TCP11L2: variants seen among roughly 807,000 people sequenced by gnomAD.
TCP11L2 encodes t-complex 11 like 2, also known as T-complex protein 11-like protein 2.
A neutral mutation model predicts 50.7 loss-of-function variants in TCP11L2; 39 were observed. The observed-to-expected ratio is 0.77, with a 90% confidence interval of 0.60 to 1.01. TCP11L2 has a LOEUF of 1.01. Among genes scored for constraint, TCP11L2 ranks in the 50% least tolerant of loss-of-function variants. The pLI, the probability that TCP11L2 is intolerant of heterozygous loss-of-function variation, is 0.00. For missense variants in TCP11L2, 612 were observed against 614.7 expected, an observed-to-expected ratio of 1.00 and a Z score of 0.05; for synonymous variants, 192 against 219.3, an observed-to-expected ratio of 0.88 and a Z score of 1.10.
intron 6 of TCP11L2, among the ~76,000 whole-genome samples, chr12:106,330,656 A>C (rs1221535642): frequency 6.6e-6 from 1 of 152,164 alleles, no homozygotes; most frequent in Non-Finnish European, 1.5e-5. Flanking sequence ...TTCAATAAGC[A>C]AGGAAGTCTG....
At chr12:106,313,220 A>G (rs1219073138) in intron 2 of TCP11L2, among the ~76,000 whole-genome samples, 2 of 152,198 alleles carry the variant, frequency 1.3e-5, no homozygotes, top group African/African-American at 2.4e-5. Flanking sequence ...GTGAAATCCA[A>G]TGATAAATAC....
chr12:106,331,256 G>A (rs937649063), intron 6 of TCP11L2, among the ~76,000 whole-genome samples: 5 of 152,106 alleles, frequency 3.3e-5, no homozygotes, highest in African/African-American at 1.2e-4. Flanking sequence ...TAAAGCATTG[G>A]CTTTTCTTTA....
intron 8 of TCP11L2, among the ~76,000 whole-genome samples, chr12:106,339,422 A>G (rs1272668632): frequency 6.6e-6 from 1 of 152,114 alleles, no homozygotes; most frequent in East Asian, 1.9e-4. Flanking sequence ...CTCCCATTCT[A>G]TAGGCTGTTT....
At chr12:106,302,063 G>C (rs765416359), upstream of TCP11L2, 1 of 152,500 alleles carries the variant, frequency 6.6e-6, no homozygotes, top group Non-Finnish European at 1.5e-5. Context: ...AGTGGCTGAC[G>C]TGCGTGGGAA....
rs201045850 is a variant in TCP11L2, at chr12:106,346,361, G to A, written c.1391G>A (p.Gly464Glu). Residue 464 changes from glycine to glutamate, a missense_variant, in exon 10 of 10, where the codon GGA becomes GAA. Transcript: ENST00000299045. ...CAAAAATGCATGCCTCCTATGCCAG[G>A]AGGCCTAGCTGTCATTCAGCAGGAG... ...SPQKCMPPMP[G>E]GLAVIQQELE... 6 of 1,614,076 alleles carry A rather than the reference G, an allele frequency of 3.7e-6. No homozygotes were observed. The highest frequency in any genetic ancestry group is 5.1e-6 in the Non-Finnish European group (6 of 1,180,014).
chr12:106,311,649 A>G (rs1283994882), intron 2 of TCP11L2, among the ~76,000 whole-genome samples: 1 of 152,218 alleles, frequency 6.6e-6, no homozygotes, highest in Non-Finnish European at 1.5e-5. Context: ...GAAATAATCT[A>G]AAGGGTTTCA....
At chr12:106,331,757 C>T (rs1041225881) in intron 6 of TCP11L2, among the ~76,000 whole-genome samples, 8 of 152,222 alleles carry the variant, frequency 5.3e-5, no homozygotes, top group African/African-American at 1.2e-4. Flanking sequence ...TCAGAGGCCA[C>T]GGCTCCCAAC....
At chr12:106,301,465 T>C (rs148240146), upstream of TCP11L2, among the ~76,000 whole-genome samples, 7 of 152,348 alleles carry the variant, frequency 4.6e-5, no homozygotes, top group African/African-American at 1.7e-4. Context: ...CAAGATCTCA[T>C]GGATAGTGAA....
At chr12:106,337,825 T>G (rs1444260547) in intron 8 of TCP11L2, among the ~76,000 whole-genome samples, 1 of 152,236 alleles carries the variant, frequency 6.6e-6, no homozygotes, top group African/African-American at 2.4e-5. Context: ...CAATGAATGC[T>G]AGCTATTAAT....
intron 3 of TCP11L2, 149 bp from the exon 4 acceptor site, chr12:106,318,192 TCAA>T (rs34594208): frequency 0.34 from 292,674 of 867,840 alleles, 51,330 homozygotes; most frequent in Middle Eastern, 0.39. Context: ...AATAATGCAT[TCAA>T]CAAGAAAAAT....
At chr12:106,323,916 T>TA in intron 6 of TCP11L2, 1 of 163,142 alleles carries the variant, frequency 6.1e-6, no homozygotes, top group East Asian at 1.7e-4. Flanking sequence ...ATCACAAACT[T>TA]ACAGTTGTTT....
intron 2 of TCP11L2, among the ~76,000 whole-genome samples, chr12:106,312,863 C>A (rs2034914191): frequency 6.6e-6 from 1 of 151,552 alleles, no homozygotes; most frequent in African/African-American, 2.4e-5. Flanking sequence ...GCCTGGGAGA[C>A]AGAGCAAGAC....
rs1565847966 is a variant in TCP11L2, at chr12:106,321,561, A to C, written c.490A>C (p.Ile164Leu). Residue 164 changes from isoleucine to leucine, a missense_variant, in exon 5 of 10, where the codon ATT (isoleucine) becomes CTT (leucine). Ile to Leu is a conservative substitution (Grantham distance 5). Transcript: ENST00000299045. ...QICEVLDTDL[I>L]RQQAEHSAVD... Reference sequence around the variant, plus strand: ...CTGTGAAGTTTTGGACACAGACCTCATTAGGCAGCAGGCTGAGCACAGTGC... The same window carrying C: ...CTGTGAAGTTTTGGACACAGACCTCCTTAGGCAGCAGGCTGAGCACAGTGC... 1 of 1,614,194 alleles carries C rather than the reference A, an allele frequency of 6.2e-7. No individual in the cohort carries two copies. The highest frequency in any genetic ancestry group is 1.3e-5 in the African/African-American group (1 of 75,044).
At chr12:106,330,074 T>C (rs753606699) in intron 6 of TCP11L2, 9 of 985,338 alleles carry the variant, frequency 9.1e-6, no homozygotes, top group South Asian at 4.7e-5. Context: ...AAATGTATAA[T>C]TGTATAAGAA....
At chr12:106,314,215 A>G (rs991571005) in intron 2 of TCP11L2, 143 bp from the exon 3 acceptor site, 11 of 699,782 alleles carry the variant, frequency 1.6e-5, no homozygotes, top group Non-Finnish European at 2.0e-5. Context: ...GAGGGAATTC[A>G]CCTATTTTAA....
Position 106,346,403 on chromosome 12 carries a change from C to G in TCP11L2, c.1433C>G (p.Ser478Cys). ...CAGCAGGAGCTAGAAGCCCTAGGCT[C>G]TCAATATGCAAACATTGTGAATCTC... ...VIQQELEALG[S>C]QYANIVNLNK... Residue 478 changes from serine to cysteine, a missense_variant, in exon 10 of 10, where the codon TCT becomes TGT. By Grantham distance (112) the Ser-to-Cys change is moderately radical. Transcript: ENST00000299045. 1 of 1,614,186 alleles carries G rather than the reference C, an allele frequency of 6.2e-7. No homozygotes were observed. The highest frequency in any genetic ancestry group is 1.6e-4 in the Middle Eastern group (1 of 6,062).
chr12:106,321,975 G>A (rs2035356176), intron 5 of TCP11L2, among the ~76,000 whole-genome samples: 2 of 152,182 alleles, frequency 1.3e-5, no homozygotes, highest in Admixed American at 6.5e-5. Flanking sequence ...ACTCCAGGGA[G>A]TCTAATGGGC....
intron 2 of TCP11L2, 30 bp from the exon 3 acceptor site, chr12:106,314,328 A>G (rs761092535): frequency 6.3e-7 from 1 of 1,590,118 alleles, no homozygotes; most frequent in South Asian, 1.1e-5. Context: ...TTTCTTCTGC[A>G]ACATTAACTG....
chr12:106,329,214 G>C, intron 6 of TCP11L2: 1 of 1,283,604 alleles, frequency 7.8e-7, no homozygotes, highest in Non-Finnish European at 1.1e-6. Flanking sequence ...TGCAGGGACT[G>C]TGCTTATTTA....
Sources: allele counts gnomAD v4.1 joint callset (sites outside exome capture counted in the v4.1 genomes callset), GRCh38; gene constraint gnomAD v4.1.1; transcripts MANE v1.5; gene names NCBI Gene and HGNC (gene_info 2026-07-23, HGNC 2026-07-21).